Variants in PVT1 observed in about 807,000 individuals in gnomAD.
PVT1 encodes the protein Pvt1 oncogene, also known as CXCR4/PVT1 fusion.
chr8:127,996,355 G>C (rs1436782025), intron 4 of PVT1, among the ~76,000 whole-genome samples: 1 of 151,440 alleles, frequency 6.6e-6, no homozygotes, highest in African/African-American at 2.4e-5. Flanking sequence ...CTTCTGCTTG[G>C]AACTGTTTCC....
At chr8:127,946,277 G>A (rs961820953) in intron 3 of PVT1, among the ~76,000 whole-genome samples, 1 of 152,236 alleles carries the variant, frequency 6.6e-6, no homozygotes, top group African/African-American at 2.4e-5. Flanking sequence ...TAGGTGCTAG[G>A]GATGTAAGAG....
intron 3 of PVT1, among the ~76,000 whole-genome samples, chr8:127,926,276 G>C (rs757983100): frequency 5.9e-5 from 9 of 152,202 alleles, no homozygotes; most frequent in Non-Finnish European, 1.2e-4. Context: ...TATCATGCCT[G>C]AGCATCGCAC....
In PVT1 at chr8:127,866,020, C is replaced by A. The variant is rs368670044; in HGVS notation, n.373-24569C>A. The stretch of plus-strand genomic sequence containing the variant: ...AAAGGGGCTTGCATAAATTCACATG[C>A]CCATGGCTTCTCCCTCTGACAGCGC... On this transcript the variant is annotated intron_variant and non_coding_transcript_variant, in intron 2 of 10. Coordinates refer to ENST00000651587, the Ensembl canonical transcript of PVT1. 2.6e-5 allele frequency among the ~76,000 whole-genome samples: 4 copies of A among 152,190 alleles called. No individual in the cohort carries two copies. In the East Asian group the frequency reaches 5.8e-4, roughly 22 times the overall value.
At chr8:127,951,171 C>T (rs1816501346) in intron 3 of PVT1, among the ~76,000 whole-genome samples, 2 of 152,342 alleles carry the variant, frequency 1.3e-5, no homozygotes, top group East Asian at 3.9e-4. Context: ...GCTGGGATTA[C>T]AGGCGTGAGC....
chr8:127,804,643 C>T (rs867757763), intron 2 of PVT1, among the ~76,000 whole-genome samples: 41 of 148,798 alleles, frequency 2.8e-4, no homozygotes, highest in South Asian at 4.2e-4. Context: ...CAGGTTCAAG[C>T]GATTCTTCTG....
At chr8:127,997,523 A>C (rs1421266743) in intron 4 of PVT1, among the ~76,000 whole-genome samples, 1 of 152,216 alleles carries the variant, frequency 6.6e-6, no homozygotes, top group East Asian at 1.9e-4. Context: ...CAAAAATTGA[A>C]GGAAATATTC....
chr8:127,807,586 G>A (rs1814541840), intron 2 of PVT1, among the ~76,000 whole-genome samples: 1 of 152,138 alleles, frequency 6.6e-6, no homozygotes, highest in Non-Finnish European at 1.5e-5. Flanking sequence ...TTCTCCCAAA[G>A]TGCTGGGATT....
intron 2 of PVT1, among the ~76,000 whole-genome samples, chr8:127,796,230 A>G (rs1814394680): frequency 6.6e-6 from 1 of 152,062 alleles, no homozygotes. Flanking sequence ...GAAAAATAGA[A>G]GTCCGTTTTT....
Position 127,870,347 on chromosome 8 carries a change from C to A in PVT1, n.373-20242C>A, listed in dbSNP as rs978869105. Among the ~76,000 whole-genome samples the A allele has an allele frequency of 8.5e-5, 13 of 152,180 alleles. No homozygotes were observed. The East Asian group carries it at 2.3e-3, about 27-fold the overall frequency. ...ATGCCAGAAAGAGGCAAGGAAGGATCTTTCATGGAGCCTTCAGAGGGAGCA... is the reference window on the plus strand; with the variant it reads ...ATGCCAGAAAGAGGCAAGGAAGGATATTTCATGGAGCCTTCAGAGGGAGCA... On this transcript the variant is annotated intron_variant and non_coding_transcript_variant, in intron 2 of 10. Transcript: ENST00000651587.
intron 2 of PVT1, among the ~76,000 whole-genome samples, chr8:127,797,122 C>T (rs1320001250): frequency 6.6e-6 from 1 of 152,058 alleles, no homozygotes; most frequent in African/African-American, 2.4e-5. Context: ...AGGTGATCCG[C>T]CCGCCTTGGC....
In PVT1 at chr8:127,849,988, A is replaced by ATT. The variant is rs1306620518; in HGVS notation, n.373-40601_373-40600insTT. Among the ~76,000 whole-genome samples the ATT allele has an allele frequency of 2.1e-3, 320 of 149,502 alleles. 6 individuals are homozygous for ATT. Among genetic ancestry groups the ATT allele is most frequent in the South Asian group, 4.0e-3 (18 of 4,530 alleles). ...CCTGCGTGCACGTGCGTGGGTGCAC[A>ATT]GCCTGTACATATGTGTATTTGTGCT... On this transcript the variant is annotated intron_variant and non_coding_transcript_variant, in intron 2 of 10. Coordinates refer to ENST00000651587, the Ensembl canonical transcript of PVT1.
At position 128,039,140 on chromosome 8, in the gene PVT1, T is replaced by C. The variant is rs2720684; in HGVS notation, n.913-31020T>C. On this transcript the variant is annotated intron_variant and non_coding_transcript_variant, in intron 4 of 10. Transcript: ENST00000651587. ...CAAACACCGTTTCTTCTTTCTGCCTTGGTTCCCTGTGAGTCAATGACTGTT... is the reference window on the plus strand; with the variant it reads ...CAAACACCGTTTCTTCTTTCTGCCTCGGTTCCCTGTGAGTCAATGACTGTT... Among the ~76,000 whole-genome samples, 565 of 152,302 alleles carry C rather than the reference T, an allele frequency of 3.7e-3. 4 individuals carry two copies. Among genetic ancestry groups the C allele is most frequent in the East Asian group, 0.021 (111 of 5,180 alleles).
At chr8:127,845,262 T>C (rs2129722961) in intron 2 of PVT1, among the ~76,000 whole-genome samples, 1 of 152,314 alleles carries the variant, frequency 6.6e-6, no homozygotes, top group East Asian at 1.9e-4. Context: ...TCCTTGGAGC[T>C]AATGGTCAGA....
At chr8:127,909,430 T>C (rs2129841848) in intron 3 of PVT1, among the ~76,000 whole-genome samples, 1 of 152,374 alleles carries the variant, frequency 6.6e-6, no homozygotes, top group Middle Eastern at 3.4e-3. Flanking sequence ...CTTTGTGCCT[T>C]ACCAGCCTGT....
At chr8:127,900,589 C>T (rs181424621) in intron 3 of PVT1, among the ~76,000 whole-genome samples, 241 of 152,324 alleles carry the variant, frequency 1.6e-3, no homozygotes, top group African/African-American at 5.4e-3. Context: ...TCTTTTCTCC[C>T]GGCGCTATGC....
intron 2 of PVT1, among the ~76,000 whole-genome samples, chr8:127,836,404 C>A (rs1457381521): frequency 2.0e-5 from 3 of 152,138 alleles, no homozygotes; most frequent in Non-Finnish European, 2.9e-5. Context: ...CAACCCATCA[C>A]CTAGTTATTA....
At chr8:128,023,284 A>G (rs1483112515) in intron 4 of PVT1, among the ~76,000 whole-genome samples, 1 of 152,180 alleles carries the variant, frequency 6.6e-6, no homozygotes, top group Non-Finnish European at 1.5e-5. Flanking sequence ...GACACATAGA[A>G]CATAACTCAG....
At chr8:128,083,378 A>C (rs16902624) in intron 5 of PVT1, among the ~76,000 whole-genome samples, 5 of 152,232 alleles carry the variant, frequency 3.3e-5, no homozygotes, top group Admixed American at 2.0e-4. Flanking sequence ...TCATTGGGCC[A>C]CTTGTGGTAT....
At chr8:127,871,541 G>A (rs1229576096) in intron 2 of PVT1, among the ~76,000 whole-genome samples, 2 of 152,134 alleles carry the variant, frequency 1.3e-5, no homozygotes, top group African/African-American at 2.4e-5. Context: ...CTTAGGCAGA[G>A]TCCACCAGAA....
Sources: allele counts gnomAD v4.1 joint callset (sites outside exome capture counted in the v4.1 genomes callset), GRCh38; gene constraint gnomAD v4.1.1; transcripts MANE v1.5; gene names NCBI Gene and HGNC (gene_info 2026-07-23, HGNC 2026-07-21).